The following LRRC4C variants were observed in gnomAD, a reference collection of about 807,000 sequenced individuals.
The protein encoded by LRRC4C is leucine-rich repeat-containing protein 4C.
LRRC4C carries 5 observed loss-of-function variants against 33.6 expected under a neutral mutation model. That is an observed-to-expected ratio of 0.15 (90% CI 0.08 to 0.31). The LOEUF (loss-of-function observed/expected upper bound fraction) is 0.31, where lower values mean the gene tolerates loss of function less well. Ranked by LOEUF, LRRC4C falls within the 10% of genes least tolerant of loss-of-function variation. The pLI, the probability that LRRC4C is intolerant of heterozygous loss-of-function variation, is 1.00. For synonymous variants in LRRC4C, 329 were observed against 302.0 expected, an observed-to-expected ratio of 1.09 and a Z score of -0.93; for missense variants, 560 against 796.7, an observed-to-expected ratio of 0.70 and a Z score of 3.58.
intron 1 of LRRC4C, among the ~76,000 whole-genome samples, chr11:41,356,652 G>A (rs1952172754): frequency 6.6e-6 from 1 of 152,048 alleles, no homozygotes; most frequent in Non-Finnish European, 1.5e-5. Flanking sequence ...TTAGGAAGTG[G>A]GATGTTAGAC....
Position 40,861,283 on chromosome 11 carries a change from C to T in LRRC4C, c.-407+72352G>A, listed in dbSNP as rs572711998. ...AAGAAGATAGAGGTGTGTGGGAAGT[C>T]TTGAACAGAAAGGTGTCAGCTCCAA... On this transcript the variant is annotated intron_variant, in intron 2 of 6. Transcript: ENST00000528697. 2.6e-5 allele frequency among the ~76,000 whole-genome samples: 4 copies of T among 152,206 alleles called. No individual in the cohort carries two copies. In the South Asian group the frequency reaches 8.3e-4, roughly 32 times the overall value.
chr11:40,879,573 C>T (rs753132604), intron 2 of LRRC4C, among the ~76,000 whole-genome samples: 4 of 152,020 alleles, frequency 2.6e-5, no homozygotes, highest in Non-Finnish European at 5.9e-5. Context: ...CAAACAAGTA[C>T]GTACTAAAAT....
intron 4 of LRRC4C, among the ~76,000 whole-genome samples, chr11:40,262,911 C>G (rs1445077306): frequency 6.6e-6 from 1 of 151,594 alleles, no homozygotes; most frequent in Non-Finnish European, 1.5e-5. Context: ...AGCAAACCAC[C>G]ATGGCACGTG....
chr11:40,923,821 T>C (rs1181712671), intron 2 of LRRC4C, among the ~76,000 whole-genome samples: 2 of 152,248 alleles, frequency 1.3e-5, no homozygotes, highest in East Asian at 3.9e-4. Flanking sequence ...ACTTGTCTTA[T>C]GTAATGGACA....
chr11:40,635,882 G>A lies in LRRC4C; in HGVS notation c.-270+12260C>T, dbSNP rs1302702071. ...TCTCAATCTCCTGACCTTGTGATCC[G>A]CCTGCCTCGGCCTCCCAAAGTGCTG... On this transcript the variant is annotated intron_variant, in intron 3 of 6. Coordinates refer to ENST00000528697, the MANE Select transcript of LRRC4C (RefSeq NM_001258419.2). 5.9e-5 allele frequency among the ~76,000 whole-genome samples: 9 copies of A among 151,874 alleles called. No individual in the cohort carries two copies. The East Asian group carries it at 7.8e-4, about 13-fold the overall frequency.
intron 1 of LRRC4C, among the ~76,000 whole-genome samples, chr11:40,947,206 G>A (rs1308649384): frequency 6.6e-6 from 1 of 152,016 alleles, no homozygotes; most frequent in Non-Finnish European, 1.5e-5. Flanking sequence ...AACAGTTTTG[G>A]CTTCTAATTA....
chr11:41,184,385 G>A (rs748365385), intron 1 of LRRC4C, among the ~76,000 whole-genome samples: 11 of 151,956 alleles, frequency 7.2e-5, no homozygotes, highest in African/African-American at 1.2e-4. Flanking sequence ...TTGCTGCTTA[G>A]AAATTTCCTC....
intron 2 of LRRC4C, among the ~76,000 whole-genome samples, chr11:40,892,231 C>T (rs763278341): frequency 6.6e-6 from 1 of 151,590 alleles, no homozygotes; most frequent in Non-Finnish European, 1.5e-5. Context: ...GCTAGACAGA[C>T]CCAAAAGAAA....
chr11:40,181,960 A>T (rs564605030), intron 5 of LRRC4C, among the ~76,000 whole-genome samples: 1 of 152,148 alleles, frequency 6.6e-6, no homozygotes. Context: ...GAGTGATTCA[A>T]ATATTTATTA....
intron 1 of LRRC4C, among the ~76,000 whole-genome samples, chr11:41,064,949 A>G (rs1476350597): frequency 6.6e-6 from 1 of 152,176 alleles, no homozygotes; most frequent in Non-Finnish European, 1.5e-5. Context: ...CTACACCACC[A>G]GGGTTCCAGG....
At chr11:40,775,766 T>C (rs1949966723) in intron 2 of LRRC4C, among the ~76,000 whole-genome samples, 1 of 152,200 alleles carries the variant, frequency 6.6e-6, no homozygotes, top group African/African-American at 2.4e-5. Flanking sequence ...ATGTCTTTTG[T>C]TTCTTTCTCT....
At chr11:40,630,868 G>C in intron 3 of LRRC4C, among the ~76,000 whole-genome samples, 1 of 152,160 alleles carries the variant, frequency 6.6e-6, no homozygotes, top group East Asian at 1.9e-4. Flanking sequence ...TTTATGATAT[G>C]AAATGTACTT....
At chr11:41,027,305 C>A (rs2137765826) in intron 1 of LRRC4C, among the ~76,000 whole-genome samples, 1 of 151,702 alleles carries the variant, frequency 6.6e-6, no homozygotes, top group East Asian at 1.9e-4. Context: ...ATTAGTACTA[C>A]CGGAGGGTAC....
intron 1 of LRRC4C, among the ~76,000 whole-genome samples, chr11:41,251,449 T>G (rs1445177926): frequency 6.6e-6 from 1 of 152,224 alleles, no homozygotes; most frequent in Non-Finnish European, 1.5e-5. Flanking sequence ...GTATAAAGTG[T>G]GTGTCCATTG....
intron 1 of LRRC4C, among the ~76,000 whole-genome samples, chr11:41,241,664 G>A (rs1948255639): frequency 6.6e-6 from 1 of 152,104 alleles, no homozygotes; most frequent in Non-Finnish European, 1.5e-5. Context: ...GACCATGGTT[G>A]GTTAGACCTA....
intron 3 of LRRC4C, among the ~76,000 whole-genome samples, chr11:40,579,296 G>A (rs11035939): frequency 0.3 from 45,970 of 150,852 alleles, 7,133 homozygotes; most frequent in Middle Eastern, 0.39. Flanking sequence ...ACTGCTTTCC[G>A]GTATGGGCAA....
Position 40,391,698 on chromosome 11 carries a change from G to A in LRRC4C, c.-269-71977C>T, listed in dbSNP as rs895560989. 3.9e-5 allele frequency among the ~76,000 whole-genome samples: 6 copies of A among 152,018 alleles called. 1 individual carries two copies. Among genetic ancestry groups the A allele is most frequent in the South Asian group, 4.1e-4 (2 of 4,822 alleles). On this transcript the variant is annotated intron_variant, in intron 3 of 6. Transcript: ENST00000528697. ...GCATCACAATTTCCCTGTTTTTACC[G>A]GTCAAATGTTGATAAGTATTGTATT...
At chr11:41,157,738 T>G (rs140895970) in intron 1 of LRRC4C, among the ~76,000 whole-genome samples, 2 of 152,258 alleles carry the variant, frequency 1.3e-5, no homozygotes, top group African/African-American at 4.8e-5. Context: ...ATCATTTTTA[T>G]TTAAGCTTTA....
chr11:40,800,784 A>G (rs191535655), intron 2 of LRRC4C, among the ~76,000 whole-genome samples: 101 of 152,284 alleles, frequency 6.6e-4, no homozygotes, highest in African/African-American at 2.4e-3. Context: ...AGAAGAAAAA[A>G]AAAGCTTTTT....
Sources: allele counts gnomAD v4.1 joint callset (sites outside exome capture counted in the v4.1 genomes callset), GRCh38; gene constraint gnomAD v4.1.1; transcripts MANE v1.5; gene names NCBI Gene and HGNC (gene_info 2026-07-23, HGNC 2026-07-21).